BABAM2: variants seen among roughly 807,000 people sequenced by gnomAD.
BABAM2 encodes BRISC and BRCA1-A complex member 2.
BABAM2 carries 31 observed loss-of-function variants against 54.7 expected under a neutral mutation model. The observed-to-expected ratio is 0.57, with a 90% CI of 0.43 to 0.77. The LOEUF (loss-of-function observed/expected upper bound fraction) is 0.77, where lower values mean the gene tolerates loss of function less well. BABAM2 is among the 30% of genes least tolerant of loss of function. The pLI is 0.00. For synonymous variants in BABAM2, 167 were observed against 162.9 expected (o/e 1.03, Z -0.19); for missense variants, 364 against 455.8 (o/e 0.80, Z 1.83).
At chr2:28,334,661 C>T (rs1272881507) in intron 11 of BABAM2, among the ~76,000 whole-genome samples, 4 of 152,212 alleles carry the variant, frequency 2.6e-5, no homozygotes, top group Non-Finnish European at 5.9e-5. Context: ...AGGCTCTCTC[C>T]GGCCGCACTT....
intron 7 of BABAM2, among the ~76,000 whole-genome samples, chr2:28,139,219 G>T (rs1458853735): frequency 1.3e-5 from 2 of 151,410 alleles, no homozygotes; most frequent in Non-Finnish European, 2.9e-5. Context: ...CTAGCTGGGA[G>T]GCTGAGGCAG....
chr2:28,073,082 G>A (rs146242987), intron 6 of BABAM2, among the ~76,000 whole-genome samples: 86 of 152,272 alleles, frequency 5.6e-4, no homozygotes, highest in African/African-American at 1.8e-3. Flanking sequence ...TGGCTCTGCC[G>A]TTTATCAGTA....
At chr2:28,037,553 G>A (rs2148593470) in intron 5 of BABAM2, among the ~76,000 whole-genome samples, 1 of 152,184 alleles carries the variant, frequency 6.6e-6, no homozygotes. Flanking sequence ...ATGTGTTCAG[G>A]TATGTCTGTA....
chr2:28,028,773 T>C (rs1676078019), intron 5 of BABAM2, among the ~76,000 whole-genome samples: 1 of 152,182 alleles, frequency 6.6e-6, no homozygotes, highest in Non-Finnish European at 1.5e-5. Context: ...TTTTTCTTTT[T>C]TTTCTTTTTT....
upstream of BABAM2, chr2:27,889,874 G>A (rs560410179): frequency 5.0e-6 from 1 of 199,098 alleles, no homozygotes; most frequent in Admixed American, 6.0e-5. Flanking sequence ...CAACAACCCT[G>A]TGAGGTAGGC....
At chr2:28,100,252 A>G (rs969585296) in intron 6 of BABAM2, among the ~76,000 whole-genome samples, 1 of 151,960 alleles carries the variant, frequency 6.6e-6, no homozygotes, top group Non-Finnish European at 1.5e-5. Context: ...TGAGGTCAGG[A>G]GTTCGAGACC....
At chr2:28,288,532 G>C (rs979589297) in intron 10 of BABAM2, among the ~76,000 whole-genome samples, 1 of 151,938 alleles carries the variant, frequency 6.6e-6, no homozygotes, top group Non-Finnish European at 1.5e-5. Flanking sequence ...TACCATGTTC[G>C]TCAGGCTGGT....
At chr2:28,222,878 T>C (rs1395662411) in intron 7 of BABAM2, among the ~76,000 whole-genome samples, 2 of 152,236 alleles carry the variant, frequency 1.3e-5, no homozygotes, top group Non-Finnish European at 2.9e-5. Flanking sequence ...CCCTGAGTTC[T>C]AGGCAGCCTG....
intron 7 of BABAM2, among the ~76,000 whole-genome samples, chr2:28,157,306 C>T (rs1672637137): frequency 6.6e-6 from 1 of 152,168 alleles, no homozygotes; most frequent in Non-Finnish European, 1.5e-5. Context: ...TGGAAAAGGA[C>T]CTTGATCCCT....
At chr2:28,082,709 GCTTAATTAATTCATTCAA>G (rs1411962302) in intron 6 of BABAM2, among the ~76,000 whole-genome samples, 1 of 152,108 alleles carries the variant, frequency 6.6e-6, no homozygotes, top group Non-Finnish European at 1.5e-5. Flanking sequence ...TAGACTCTAT[GCTTAATTAATTCATTCAA>G]CTTAATAGTA....
intron 7 of BABAM2, among the ~76,000 whole-genome samples, chr2:28,143,263 C>T (rs923149049): frequency 6.6e-6 from 1 of 152,024 alleles, no homozygotes; most frequent in Non-Finnish European, 1.5e-5. Flanking sequence ...AAAATACTGC[C>T]TGATCTCACT....
At chr2:28,085,517 A>G (rs1489777870) in intron 6 of BABAM2, among the ~76,000 whole-genome samples, 1 of 152,244 alleles carries the variant, frequency 6.6e-6, no homozygotes, top group Non-Finnish European at 1.5e-5. Flanking sequence ...TATTAACTTG[A>G]TGTTCAGAGT....
At chr2:28,112,147 T>TTCTTTCCTTCCTTCCTTCCCTCCC (rs1558346715) in intron 6 of BABAM2, among the ~76,000 whole-genome samples, 1 of 5,240 alleles carries the variant, frequency 1.9e-4, no homozygotes, top group Non-Finnish European at 3.2e-4. Flanking sequence ...CTTTCTTTCT[T>TTCTTTCCTTCCTTCCTTCCCTCCC]TACCTCCCTC....
intron 8 of BABAM2, among the ~76,000 whole-genome samples, chr2:28,240,373 T>A (rs1489614): frequency 3.3e-5 from 5 of 152,102 alleles, no homozygotes; most frequent in Non-Finnish European, 7.3e-5. Context: ...ATCCTCCTGC[T>A]TCAGACTCCC....
chr2:27,985,135 C>T (rs1381540423), intron 3 of BABAM2, among the ~76,000 whole-genome samples: 1 of 148,074 alleles, frequency 6.8e-6, no homozygotes. Context: ...GACTGATGGG[C>T]ATTTGGGCTG....
chr2:28,067,513 A>G (rs999296059), intron 6 of BABAM2, among the ~76,000 whole-genome samples: 4 of 152,202 alleles, frequency 2.6e-5, no homozygotes, highest in Non-Finnish European at 5.9e-5. Flanking sequence ...GCATTATACA[A>G]CGGTCACCTC....
intron 11 of BABAM2, among the ~76,000 whole-genome samples, chr2:28,335,595 A>T (rs145409365): frequency 6.6e-6 from 1 of 152,246 alleles, no homozygotes; most frequent in Admixed American, 6.5e-5. Context: ...AGCCAGGCCT[A>T]GTGGTCACTG....
Position 28,263,143 on chromosome 2 carries a change from AAAAAG to A in BABAM2, c.934+18284_934+18288del, listed in dbSNP as rs1437943121. Among the ~76,000 whole-genome samples, 77 of 149,634 alleles carry A rather than the reference AAAAAG, an allele frequency of 5.1e-4. 1 individual carries two copies. Among genetic ancestry groups the A allele is most frequent in the Admixed American group, 1.7e-3 (25 of 15,024 alleles). ...CAAGACACTGTCTCAAAAAAAAAAA[AAAAAG>A]AAGAAAAGAAAGGAAGGAGAGGAGG... is the stretch of plus-strand genomic sequence containing the variant. On this transcript the variant is annotated intron_variant, in intron 10 of 11. Transcript: ENST00000379624.
At chr2:28,111,000 G>A (rs1421146043) in intron 6 of BABAM2, among the ~76,000 whole-genome samples, 2 of 140,098 alleles carry the variant, frequency 1.4e-5, no homozygotes, top group Non-Finnish European at 1.5e-5. Flanking sequence ...ATGGAATCTC[G>A]CTTTGTCACC....
Sources: allele counts gnomAD v4.1 joint callset (sites outside exome capture counted in the v4.1 genomes callset), GRCh38; gene constraint gnomAD v4.1.1; transcripts MANE v1.5; gene names NCBI Gene and HGNC (gene_info 2026-07-23, HGNC 2026-07-21).